Variants in KDM1B observed in about 807,000 individuals in gnomAD.
KDM1B encodes the protein lysine-specific histone demethylase 2.
A neutral mutation model predicts 107.4 loss-of-function variants in KDM1B; 63 were observed. That is an observed-to-expected ratio of 0.59 (90% CI 0.48 to 0.72). The LOEUF is 0.72. KDM1B is among the 30% of genes least tolerant of loss of function. The probability of loss-of-function intolerance (pLI) is 0.00; values close to 1 mark genes in which losing one functional copy is unlikely to be tolerated. For missense variants in KDM1B, 749 were observed against 1,020.8 expected, an observed-to-expected ratio of 0.73 and a Z score of 3.63; for synonymous variants, 363 against 363.9, an observed-to-expected ratio of 1.00 and a Z score of 0.03.
Position 18,191,200 on chromosome 6 carries a change from C to T in KDM1B, c.788C>T (p.Pro263Leu). The T allele has an allele frequency of 6.5e-7, 1 of 1,549,812 alleles. No individual in the cohort carries two copies. Among genetic ancestry groups the T allele is most frequent in the East Asian group, 2.4e-5 (1 of 40,900 alleles). ...GCCCATTTGTGTTACCTATCAGTTC[C>T]AGGCATGAACCGATACTTCCAGCCT... is the stretch of plus-strand genomic sequence containing the variant. Reference protein sequence around the residue: ...HSKAALSVHVPGMNRYFQPFY... With the variant: ...HSKAALSVHVLGMNRYFQPFY... The change falls in exon 10 of 22, where the codon CCA (proline) becomes CTA (leucine). Residue 263 changes from proline to leucine, a missense_variant. Coordinates refer to ENST00000650836, the MANE Select transcript of KDM1B (RefSeq NM_001364614.2). The surrounding 1 kb of genome is among the most constrained non-coding windows in gnomAD (Gnocchi z 5.1).
Position 18,197,437 on chromosome 6 carries a change from A to G in KDM1B, c.1147-150A>G. ...GGGAAAAAGGGAAGGGAGTAATAAGACAAGTGCCACCACATTCTTTAGGAA... is the reference window on the plus strand; with the variant it reads ...GGGAAAAAGGGAAGGGAGTAATAAGGCAAGTGCCACCACATTCTTTAGGAA... On this transcript the variant is annotated intron_variant, in intron 11 of 21. Transcript: ENST00000650836. The surrounding 1 kb of genome is among the most constrained non-coding windows in gnomAD (Gnocchi z 4.5). 1 of 775,754 alleles carries G rather than the reference A, an allele frequency of 1.3e-6. No homozygotes were observed. Among genetic ancestry groups the G allele is most frequent in the Non-Finnish European group, 2.1e-6 (1 of 468,518 alleles). 48.1% of individuals were successfully genotyped at this position (775,754 alleles called of 1,614,324 possible).
chr6:18,217,821 G>A lies in KDM1B; in HGVS notation c.2321G>A (p.Gly774Glu). ...QMAYSFVKTGGSGEAYDIIAE... is the reference protein window; with the variant it reads ...QMAYSFVKTGESGEAYDIIAE... ...GCATACAGTTTTGTGAAGACAGGTGGAAGTGGGGAGGCCTACGATATCATT... is the reference window on the plus strand; with the variant it reads ...GCATACAGTTTTGTGAAGACAGGTGAAAGTGGGGAGGCCTACGATATCATT... The change falls in exon 21 of 22, where the codon GGA (glycine) becomes GAA (glutamate). Residue 774 changes from glycine (G) to glutamate (E), a missense_variant. By Grantham distance (98) the Gly-to-Glu change is moderately conservative. Transcript: ENST00000650836. The A allele has an allele frequency of 6.2e-7, 1 of 1,614,024 alleles. No homozygotes were observed. Among genetic ancestry groups the A allele is most frequent in the Non-Finnish European group, 8.5e-7 (1 of 1,179,964 alleles).
chr6:18,206,119 T>TAA (rs1369509615), intron 15 of KDM1B, among the ~76,000 whole-genome samples: 1 of 151,856 alleles, frequency 6.6e-6, no homozygotes, highest in Non-Finnish European at 1.5e-5. Flanking sequence ...CTGAGCATAT[T>TAA]AACCCCACAG....
chr6:18,218,448 T>C (rs1292605394), intron 21 of KDM1B, among the ~76,000 whole-genome samples: 1 of 152,160 alleles, frequency 6.6e-6, no homozygotes, highest in Non-Finnish European at 1.5e-5. Context: ...TGATTTAACA[T>C]TAGACAGACA....
intron 20 of KDM1B, among the ~76,000 whole-genome samples, chr6:18,216,600 C>T (rs934699412): frequency 3.3e-5 from 5 of 152,128 alleles, no homozygotes; most frequent in Non-Finnish European, 7.4e-5. Flanking sequence ...TTACTGTGGT[C>T]AACCAAGGTC....
At chr6:18,219,242 T>C (rs896815583) in intron 21 of KDM1B, among the ~76,000 whole-genome samples, 2 of 152,196 alleles carry the variant, frequency 1.3e-5, no homozygotes, top group South Asian at 2.1e-4. Flanking sequence ...TGGGCCTTTA[T>C]TTCTAAGATC....
intron 7 of KDM1B, among the ~76,000 whole-genome samples, chr6:18,184,119 CGT>C (rs1786666581): frequency 6.6e-6 from 1 of 152,028 alleles, no homozygotes; most frequent in South Asian, 2.1e-4. Context: ...TTAGAAGCCC[CGT>C]GTCACTTTTA....
chr6:18,177,115 A>C (rs1199308139), intron 7 of KDM1B, among the ~76,000 whole-genome samples: 7 of 152,020 alleles, frequency 4.6e-5, no homozygotes. Flanking sequence ...TTTGTTGGTA[A>C]TCTTTTAATT....
intron 7 of KDM1B, among the ~76,000 whole-genome samples, chr6:18,184,321 C>CTGGA (rs1786689307): frequency 7.1e-6 from 1 of 141,018 alleles, no homozygotes; most frequent in Non-Finnish European, 1.5e-5. Context: ...GTCGCCCAGG[C>CTGGA]TGGAGTTCAG....
chr6:18,196,371 T>G (rs2150957132), intron 10 of KDM1B, among the ~76,000 whole-genome samples: 1 of 152,298 alleles, frequency 6.6e-6, no homozygotes, highest in South Asian at 2.1e-4. Flanking sequence ...GTATGGTAGT[T>G]TTATTTTTTA....
chr6:18,181,105 C>T (rs939310139), intron 7 of KDM1B, among the ~76,000 whole-genome samples: 1 of 152,104 alleles, frequency 6.6e-6, no homozygotes, highest in African/African-American at 2.4e-5. Flanking sequence ...CACTTTTAGA[C>T]AAATGATACA....
At chr6:18,183,949 G>C (rs1419383604) in intron 7 of KDM1B, among the ~76,000 whole-genome samples, 1 of 152,052 alleles carries the variant, frequency 6.6e-6, no homozygotes, top group South Asian at 2.1e-4. Flanking sequence ...GACTAGAACT[G>C]CTAGGCCATA....
chr6:18,220,881 G>T (rs545154257), intron 21 of KDM1B, among the ~76,000 whole-genome samples: 1 of 151,412 alleles, frequency 6.6e-6, no homozygotes, highest in Admixed American at 6.6e-5. Flanking sequence ...AAGCAATTCT[G>T]TTTCAGCTGG....
rs921076298 is a variant in KDM1B, at chr6:18,162,495, G to A, written c.216-340G>A. ...CAGATTCCCTCGCTGTTCAGTACTGGGCCCCACGTTATTCTCTCATGTCCA... is the reference window on the plus strand; with the variant it reads ...CAGATTCCCTCGCTGTTCAGTACTGAGCCCCACGTTATTCTCTCATGTCCA... On this transcript the variant is annotated intron_variant, in intron 4 of 21. Transcript: ENST00000650836. This position sits in a 1 kb window ranked among gnomAD's most constrained non-coding sequence, Gnocchi z 4.1. Among the ~76,000 whole-genome samples, 1 of 151,982 alleles carries A rather than the reference G, an allele frequency of 6.6e-6. No individual in the cohort carries two copies.
chr6:18,200,650 A>T lies in KDM1B; in HGVS notation c.1359+74A>T. The T allele has an allele frequency of 2.8e-6, 4 of 1,416,020 alleles. No individual in the cohort carries two copies. The highest frequency in any genetic ancestry group is 2.8e-5 in the South Asian group (2 of 70,572). 87.7% of individuals were successfully genotyped at this position (1,416,020 alleles called of 1,614,324 possible). A position where few individuals can be genotyped will look rare whatever the true frequency, so the allele number is the denominator to read the frequency against. ...TTCAATTTGCTTGTGTGCAGTATTA[A>T]TATGCTTCTAAAGTAAATTACATAT... On this transcript the variant is annotated intron_variant, in intron 13 of 21. Transcript: ENST00000650836. This position sits in a 1 kb window ranked among gnomAD's most constrained non-coding sequence, Gnocchi z 4.3.
In KDM1B at chr6:18,212,691, C is replaced by A; in HGVS notation, c.1983+87C>A. The A allele has an allele frequency of 1.2e-6, 1 of 837,776 alleles. No individual in the cohort carries two copies. Among genetic ancestry groups the A allele is most frequent in the Non-Finnish European group, 2.1e-6 (1 of 480,210 alleles). The allele number at this position is 837,776 out of a possible 1,614,324, so 51.9% of individuals were successfully genotyped here. A position where few individuals can be genotyped will look rare whatever the true frequency, so the allele number is the denominator to read the frequency against. ...TTCTGATATGGAGAAGTAGTGGGTA[C>A]TATCTAAATACAAATAAAACTCAAG... is the stretch of plus-strand genomic sequence containing the variant. On this transcript the variant is annotated intron_variant, in intron 18 of 21. Coordinates refer to ENST00000650836, the MANE Select transcript of KDM1B (RefSeq NM_001364614.2). The surrounding 1 kb of genome is among the most constrained non-coding windows in gnomAD (Gnocchi z 5.2).
intron 20 of KDM1B, among the ~76,000 whole-genome samples, chr6:18,217,015 A>T (rs1789287339): frequency 6.6e-6 from 1 of 152,106 alleles, no homozygotes; most frequent in Admixed American, 6.5e-5. Context: ...TTTGTGGAGA[A>T]CCCTGTTGAG....
At chr6:18,215,632 C>G (rs1212554823) in intron 20 of KDM1B, among the ~76,000 whole-genome samples, 1 of 152,128 alleles carries the variant, frequency 6.6e-6, no homozygotes, top group African/African-American at 2.4e-5. Flanking sequence ...GTTAGGGTGT[C>G]CACATGGGAA....
At chr6:18,188,045 C>T in intron 9 of KDM1B, 43 bp downstream of exon 9, 1 of 1,503,548 alleles carries the variant, frequency 6.7e-7, no homozygotes, top group East Asian at 2.5e-5. Flanking sequence ...ATTCCCCGCT[C>T]CCCTCCCTGA....
Sources: gnomAD v4.1 joint callset for allele counts (sites outside exome capture counted in the v4.1 genomes callset) on GRCh38, gnomAD v4.1.1 for gene constraint, Gnocchi (gnomAD v3.1) non-coding constraint, MANE v1.5 for transcripts, NCBI Gene and HGNC (gene_info 2026-07-23, HGNC 2026-07-21) for gene names.